MGA: variants seen among roughly 807,000 people sequenced by gnomAD.
The protein encoded by MGA is MAX gene-associated protein.
In MGA, 40 loss-of-function variants were observed where a neutral mutation model predicts 261.1. That is an observed-to-expected ratio of 0.15 (90% CI 0.12 to 0.20). MGA has a LOEUF of 0.20. MGA is among the 10% of genes least tolerant of loss of function. The probability of loss-of-function intolerance (pLI) is 1.00; values close to 1 mark genes in which losing one functional copy is unlikely to be tolerated. For missense variants in MGA, 3,397 were observed against 3,630.5 expected (o/e 0.94, Z 1.65); for synonymous variants, 1,302 against 1,290.6 (o/e 1.01, Z -0.19).
intron 1 of MGA, among the ~76,000 whole-genome samples, chr15:41,645,583 G>GA (rs957645158): frequency 8.0e-5 from 12 of 149,696 alleles, no homozygotes; most frequent in South Asian, 2.1e-4. Flanking sequence ...GACTCTGTCT[G>GA]AAAAAAAAAA....
chr15:41,752,369 C>CT lies in MGA; in HGVS notation c.7008+1759dup, dbSNP rs1228559664. 2.0e-5 allele frequency: 3 copies of CT among 152,112 alleles called. No individual in the cohort carries two copies. The East Asian group carries it at 5.8e-4, about 29-fold the overall frequency. The allele number at this position is 152,112 out of a possible 1,614,324, so 9.4% of individuals were successfully genotyped here. On this transcript the variant is annotated intron_variant, in intron 17 of 23. Transcript: ENST00000219905. ...TTATACCTTCTCTCCATAGCCTAAT[C>CT]TTTTTCAAGAATGGATGTAAATTCA...
intron 13 of MGA, among the ~76,000 whole-genome samples, chr15:41,738,170 G>T (rs1425523027): frequency 6.6e-6 from 1 of 152,006 alleles, no homozygotes; most frequent in African/African-American, 2.4e-5. Context: ...GGAGGTGAAG[G>T]CGGGTAGATC....
chr15:41,749,627 T>C lies in MGA; in HGVS notation c.6020T>C (p.Val2007Ala). 6.2e-7 allele frequency: 1 copy of C among 1,613,908 alleles called. No homozygotes were observed. The highest frequency in any genetic ancestry group is 8.5e-7 in the Non-Finnish European group (1 of 1,179,876). Reference sequence around the variant, plus strand: ...GAGGCTGTAGACCCTGAGGCTAATGTAATAAAACAAAACTCAGGAGCTGCT... The same window carrying C: ...GAGGCTGTAGACCCTGAGGCTAATGCAATAAAACAAAACTCAGGAGCTGCT... Residue 2007 changes from valine to alanine, a missense_variant, in exon 17 of 24, where the codon GTA becomes GCA. By Grantham distance (64) the Val-to-Ala change is moderately conservative (BLOSUM62 0). Around this residue, in one of 9 missense-constraint regions of MGA, gnomAD observed 1,410 missense variants for 1,386.4 expected, o/e 1.02. Transcript: ENST00000219905.
intron 1 of MGA, among the ~76,000 whole-genome samples, chr15:41,661,917 G>T (rs931799045): frequency 3.9e-5 from 6 of 152,096 alleles, no homozygotes; most frequent in Non-Finnish European, 5.9e-5. Context: ...CCGGCCGGCG[G>T]CACGTGATCT....
chr15:41,694,799 A>C (rs2059469927), intron 2 of MGA, among the ~76,000 whole-genome samples: 1 of 152,158 alleles, frequency 6.6e-6, no homozygotes, highest in South Asian at 2.1e-4. Context: ...GGCGTGAGCC[A>C]CTGCGCCCGG....
intron 22 of MGA, among the ~76,000 whole-genome samples, chr15:41,763,122 CAG>C (rs1462034795): frequency 1.4e-5 from 1 of 73,798 alleles, no homozygotes; most frequent in African/African-American, 5.0e-5. Flanking sequence ...TTTTTTGAGA[CAG>C]AGTCTTGCTC....
intron 14 of MGA, among the ~76,000 whole-genome samples, chr15:41,741,794 A>G (rs192240688): frequency 2.0e-4 from 30 of 152,110 alleles, no homozygotes; most frequent in African/African-American, 7.0e-4. Context: ...TCACTGCAGC[A>G]TCCACCTCCT....
chr15:41,632,659 T>C lies in MGA; in HGVS notation c.-68+11361T>C, dbSNP rs532915620. Among the ~76,000 whole-genome samples the C allele has an allele frequency of 3.6e-4, 55 of 152,198 alleles. No homozygotes were observed. In the South Asian group the frequency reaches 0.011, roughly 30 times the overall value. Reference sequence around the variant, plus strand: ...CTTAAAACTTGTCCCAGACTCCAAATCAGGGAGATAGATTTGAGCTGGGCC... The same window carrying C: ...CTTAAAACTTGTCCCAGACTCCAAACCAGGGAGATAGATTTGAGCTGGGCC... On this transcript the variant is annotated intron_variant, in intron 1 of 8. Coordinates refer to the MGA transcript ENST00000566718.
rs2060369792 is a variant in MGA at position 41,711,259 on chromosome 15, G to A, written c.2994G>A (p.Leu998=). The stretch of plus-strand genomic sequence containing the variant: ...AATCTCAGGTGAAGCTAATGGACCT[G>A]GAAGACTGTGCACTTTGGGAAGGAA... Residue 998 remains leucine (L), a synonymous_variant, in exon 8 of 24, where the codon CTG becomes CTA. Transcript: ENST00000219905. 6.2e-7 allele frequency: 1 copy of A among 1,613,860 alleles called. No homozygotes were observed. Among genetic ancestry groups the A allele is most frequent in the African/African-American group, 1.3e-5 (1 of 74,918 alleles).
intron 13 of MGA, among the ~76,000 whole-genome samples, chr15:41,738,678 G>A (rs1319772322): frequency 6.6e-6 from 1 of 152,152 alleles, no homozygotes; most frequent in African/African-American, 2.4e-5. Context: ...GTCTGCATAA[G>A]CAGTCAGGCA....
intron 9 of MGA, among the ~76,000 whole-genome samples, chr15:41,722,990 G>A (rs2061032958): frequency 6.6e-6 from 1 of 152,220 alleles, no homozygotes; most frequent in Non-Finnish European, 1.5e-5. Context: ...AAGGCTTACT[G>A]AGAAGCCAGA....
intron 9 of MGA, among the ~76,000 whole-genome samples, chr15:41,715,641 A>C (rs2060594277): frequency 6.6e-6 from 1 of 152,122 alleles, no homozygotes. Context: ...TACTGAATTA[A>C]AATGTCACCT....
intron 15 of MGA, among the ~76,000 whole-genome samples, chr15:41,744,024 TTAAC>T (rs1465382799): frequency 2.6e-5 from 4 of 152,140 alleles, no homozygotes; most frequent in Non-Finnish European, 4.4e-5. Flanking sequence ...GGGGAAATAA[TTAAC>T]TAATAGCAAT....
chr15:41,707,563 G>A (rs1267497360), intron 5 of MGA, among the ~76,000 whole-genome samples, 165 bp from the exon 6 acceptor site: 1 of 152,102 alleles, frequency 6.6e-6, no homozygotes, highest in African/African-American at 2.4e-5. Context: ...ACCTTAAATT[G>A]AATCTGCTAC....
rs1220927974 is a variant in MGA, at chr15:41,742,701, G to A, written c.4741G>A (p.Val1581Met). Residue 1581 changes from valine (V) to methionine (M), a missense_variant, in exon 15 of 24, where the codon GTG becomes ATG. This residue lies in a region of MGA where 1,410 missense variants were observed against 1,386.4 expected (regional missense o/e 1.02). Transcript: ENST00000219905. ...TTCTCCAGTAATGGTCGTCACACCTGTGGTTTCTTCTGAGCCAGTTCAGGT... is the reference window on the plus strand; with the variant it reads ...TTCTCCAGTAATGGTCGTCACACCTATGGTTTCTTCTGAGCCAGTTCAGGT... The A allele has an allele frequency of 6.2e-7, 1 of 1,614,002 alleles. No homozygotes were observed. The highest frequency in any genetic ancestry group is 1.1e-5 in the South Asian group (1 of 91,086).
intron 9 of MGA, among the ~76,000 whole-genome samples, chr15:41,715,137 C>CTTTTTTTT (rs766195852): frequency 8.6e-4 from 107 of 124,502 alleles, no homozygotes; most frequent in Non-Finnish European, 1.3e-3. Context: ...TGGTTTCTGT[C>CTTTTTTTT]TTTTTTTTTT....
At chr15:41,748,552 T>C in intron 15 of MGA, 85 bp from the exon 16 acceptor site, 2 of 1,431,652 alleles carry the variant, frequency 1.4e-6, no homozygotes, top group Non-Finnish European at 1.9e-6. Context: ...CAAGACTGTG[T>C]CTTAAAAAAT....
chr15:41,749,416 A>G lies in MGA; in HGVS notation c.5809A>G (p.Ile1937Val). 2 of 1,614,020 alleles carry G rather than the reference A, an allele frequency of 1.2e-6. No homozygotes were observed. Among genetic ancestry groups the G allele is most frequent in the Non-Finnish European group, 1.7e-6 (2 of 1,179,900 alleles). The change falls in exon 17 of 24, where the codon ATT becomes GTT. Residue 1937 changes from isoleucine (I) to valine (V), a missense_variant. Around this residue, in one of 9 missense-constraint regions of MGA, gnomAD observed 1,410 missense variants for 1,386.4 expected, o/e 1.02. Coordinates refer to ENST00000219905, the MANE Select transcript of MGA (RefSeq NM_001164273.2). ...ACAGCCTGTTGGTACAGCCAGTCTT[A>G]TTCCTCTCCAGTCTGGTAGTTTTGC...
intron 2 of MGA, among the ~76,000 whole-genome samples, chr15:41,693,393 G>GT (rs2059393586): frequency 7.0e-6 from 1 of 143,838 alleles, no homozygotes; most frequent in African/African-American, 2.6e-5. Context: ...CCACCTATGA[G>GT]TGAGAATATG....
Sources: gnomAD v4.1 joint callset for allele counts (sites outside exome capture counted in the v4.1 genomes callset) on GRCh38, gnomAD v4.1.1 for gene constraint, gnomAD v4.1.1 regional missense constraint, MANE v1.5 for transcripts, NCBI Gene and HGNC (gene_info 2026-07-23, HGNC 2026-07-21) for gene names.